ITGAD: variants seen among roughly 807,000 people sequenced by gnomAD.
ITGAD encodes integrin subunit alpha D, also known as integrin alpha-D.
Under a neutral mutation model 139.0 loss-of-function variants are expected in ITGAD, and 105 were observed. The ratio of observed to expected loss-of-function variants is 0.76; its 90% CI spans 0.65 to 0.89. ITGAD has a LOEUF of 0.89. Among genes scored for constraint, ITGAD ranks in the 40% least tolerant of loss-of-function variants. The pLI is 0.00. For synonymous variants in ITGAD, 569 were observed against 598.3 expected (o/e 0.95, Z 0.71); for missense variants, 1,384 against 1,487.3 (o/e 0.93, Z 1.14).
intron 23 of ITGAD, 102 bp downstream of exon 23, chr16:31,418,666 C>T (rs907228303): frequency 1.1e-6 from 1 of 895,670 alleles, no homozygotes; most frequent in Admixed American, 1.8e-5. Flanking sequence ...CATCTAAGCT[C>T]TCCTGTTTTG....
chr16:31,410,035 C>G (rs1294943422), intron 10 of ITGAD, among the ~76,000 whole-genome samples: 1 of 151,462 alleles, frequency 6.6e-6, no homozygotes, highest in East Asian at 1.9e-4. Flanking sequence ...TGCTTTGGAA[C>G]AGAGGGAGGC....
rs1347789206 is a variant in ITGAD, at chr16:31,418,085, A to C, written c.2510A>C (p.His837Pro). The C allele has an allele frequency of 6.2e-7, 1 of 1,614,044 alleles. No homozygotes were observed. Among genetic ancestry groups the C allele is most frequent in the Non-Finnish European group, 8.5e-7 (1 of 1,179,948 alleles). Residue 837 changes from histidine to proline, a missense_variant, in exon 21 of 30, where the codon CAT becomes CCT. Transcript: ENST00000389202. ...ATTCTCCTCCCCTAGAAGCAGCCCC[A>C]TCAGAGTGCCCTGCGCCTGGCATGT... ...RRVSGAQKQP[H>P]QSALRLACET...
intron 29 of ITGAD, among the ~76,000 whole-genome samples, chr16:31,425,509 C>T (rs2082095509): frequency 6.6e-6 from 1 of 152,182 alleles, no homozygotes; most frequent in South Asian, 2.1e-4. Flanking sequence ...CTACTGTGCT[C>T]GGGGCCAGCA....
At chr16:31,400,021 AC>A (rs2081364675) in intron 5 of ITGAD, among the ~76,000 whole-genome samples, 1 of 152,136 alleles carries the variant, frequency 6.6e-6, no homozygotes, top group South Asian at 2.1e-4. Context: ...CTAGTGGGAG[AC>A]CAGGGGATAC....
chr16:31,398,672 T>C (rs983740056), intron 5 of ITGAD, among the ~76,000 whole-genome samples: 2 of 151,988 alleles, frequency 1.3e-5, no homozygotes, highest in Admixed American at 6.6e-5. Context: ...TTTGTAGAGA[T>C]GGGGGTCTTG....
intron 7 of ITGAD, among the ~76,000 whole-genome samples, chr16:31,406,563 C>T (rs1341850878): frequency 1.3e-5 from 2 of 152,306 alleles, no homozygotes; most frequent in Admixed American, 6.5e-5. Context: ...AAGCTGGTGT[C>T]TGGTGCCTGT....
At chr16:31,418,244 C>T in intron 21 of ITGAD, 53 bp downstream of exon 21, 8 of 1,603,116 alleles carry the variant, frequency 5.0e-6, no homozygotes, top group Admixed American at 3.3e-5. Context: ...CCCAATCTGT[C>T]CCTCACTCTG....
Position 31,426,310 on chromosome 16 carries a change from G to T in ITGAD, c.*182G>T. 1 of 534,990 alleles carries T rather than the reference G, an allele frequency of 1.9e-6. No homozygotes were observed. The highest frequency in any genetic ancestry group is 3.4e-6 in the Non-Finnish European group (1 of 297,158). 33.1% of individuals were successfully genotyped at this position (534,990 alleles called of 1,614,324 possible). On this transcript the variant is annotated 3_prime_UTR_variant, in exon 30 of 30. Coordinates refer to ENST00000389202, the MANE Select transcript of ITGAD (RefSeq NM_005353.3). The stretch of plus-strand genomic sequence containing the variant: ...TTTACATATCTGTCCATCTTTTTCA[G>T]CAATGACCCACTTTTTACAGAAGCA...
intron 23 of ITGAD, among the ~76,000 whole-genome samples, chr16:31,419,909 T>C (rs767523508): frequency 6.6e-6 from 1 of 151,982 alleles, no homozygotes; most frequent in African/African-American, 2.4e-5. Context: ...TGTACCCTAA[T>C]AATATATACC....
rs1432650616 is a variant in ITGAD at position 31,424,092 on chromosome 16, C to T, written c.3160-10C>T. 3 of 1,614,102 alleles carry T rather than the reference C, an allele frequency of 1.9e-6. No individual in the cohort carries two copies. The highest frequency in any genetic ancestry group is 1.7e-5 in the Admixed American group (1 of 60,010). ...GCCAGTTCCACAGGTTTCCCCCAACCCCTTTGCAGACATTGCAGAAGAAGG... is the reference window on the plus strand; with the variant it reads ...GCCAGTTCCACAGGTTTCCCCCAACTCCTTTGCAGACATTGCAGAAGAAGG... On this transcript the variant is annotated splice_polypyrimidine_tract_variant and intron_variant, in intron 27 of 29. Coordinates refer to ENST00000389202, the MANE Select transcript of ITGAD (RefSeq NM_005353.3).
chr16:31,419,743 G>A (rs1390166733), intron 23 of ITGAD, among the ~76,000 whole-genome samples: 2 of 150,316 alleles, frequency 1.3e-5, no homozygotes, highest in African/African-American at 2.5e-5. Flanking sequence ...CTTGGGAGGC[G>A]GAGATTGCGG....
chr16:31,410,087 G>A (rs1428404058), intron 10 of ITGAD, among the ~76,000 whole-genome samples: 8 of 152,148 alleles, frequency 5.3e-5, no homozygotes, highest in Non-Finnish European at 8.8e-5. Context: ...ACCACCGTAA[G>A]GGCCTTGGTG....
At chr16:31,397,095 GAATGTTAAAAAGAAATTTCTA>G (rs2081283568) in intron 2 of ITGAD, among the ~76,000 whole-genome samples, 4 of 97,826 alleles carry the variant, frequency 4.1e-5, no homozygotes, top group African/African-American at 1.8e-4. Context: ...TTTTTTTGGT[GAATGTTAAAAAGAAATTTCTA>G]AACATAAATA....
intron 5 of ITGAD, among the ~76,000 whole-genome samples, chr16:31,400,146 C>T (rs2081367424): frequency 6.6e-6 from 1 of 152,212 alleles, no homozygotes; most frequent in African/African-American, 2.4e-5. Context: ...GGCACCACTG[C>T]AAGATGTTGG....
intron 2 of ITGAD, 48 bp from the exon 3 acceptor site, chr16:31,397,311 C>G (rs1424476637): frequency 6.0e-6 from 8 of 1,332,550 alleles, no homozygotes; most frequent in Non-Finnish European, 8.4e-6. Context: ...GCCCGCTGCT[C>G]CCACCCCTCC....
Position 31,424,564 on chromosome 16 carries a change from C to A in ITGAD, c.3359C>A (p.Ala1120Asp), listed in dbSNP as rs1171965376. The change falls in exon 29 of 30, where the codon GCC (alanine) becomes GAC (aspartate). Residue 1120 changes from alanine (A) to aspartate (D), a missense_variant. Coordinates refer to ENST00000389202, the MANE Select transcript of ITGAD (RefSeq NM_005353.3). ...GALLLLALIT[A>D]TLYKLGFFKR... ...CTGCTACTGCTGGCGCTCATCACAG[C>A]CACACTGTACAAGGCAAGTGTTTTA... 2.5e-6 allele frequency: 4 copies of A among 1,608,000 alleles called. No individual in the cohort carries two copies. Among genetic ancestry groups the A allele is most frequent in the Non-Finnish European group, 3.4e-6 (4 of 1,176,702 alleles).
At chr16:31,406,822 G>A (rs1170404058) in intron 7 of ITGAD, among the ~76,000 whole-genome samples, 1 of 152,162 alleles carries the variant, frequency 6.6e-6, no homozygotes, top group East Asian at 1.9e-4. Flanking sequence ...GGAACCAGGT[G>A]TGGTTCACTG....
chr16:31,410,534 G>C lies in ITGAD; in HGVS notation c.1213+10G>C. 1 of 1,613,038 alleles carries C rather than the reference G, an allele frequency of 6.2e-7. No homozygotes were observed. The highest frequency in any genetic ancestry group is 8.5e-7 in the Non-Finnish European group (1 of 1,179,776). On this transcript the variant is annotated intron_variant, in intron 11 of 29. Transcript: ENST00000389202. ...AGGGACTCTTACCTGGGTGAGAAACGGCCAGGGGTTGGGGACAGGTTGGAG... is the reference window on the plus strand; with the variant it reads ...AGGGACTCTTACCTGGGTGAGAAACCGCCAGGGGTTGGGGACAGGTTGGAG...
At chr16:31,424,292 G>C in intron 28 of ITGAD, 89 bp downstream of exon 28, 1 of 1,508,528 alleles carries the variant, frequency 6.6e-7, no homozygotes, top group African/African-American at 1.4e-5. Context: ...TGCAAGCCTT[G>C]CGGGAGGAGG....
Sources: allele counts gnomAD v4.1 joint callset (sites outside exome capture counted in the v4.1 genomes callset), GRCh38; gene constraint gnomAD v4.1.1; transcripts MANE v1.5; gene names NCBI Gene and HGNC (gene_info 2026-07-23, HGNC 2026-07-21).